The following PRCP variants were observed in gnomAD, a reference collection of about 807,000 sequenced individuals.
PRCP encodes lysosomal Pro-X carboxypeptidase.
In PRCP, 46 loss-of-function variants were observed where a neutral mutation model predicts 54.2. The observed-to-expected ratio is 0.85, with a 90% CI of 0.67 to 1.09. The LOEUF is 1.09. PRCP is among the 50% of genes least tolerant of loss of function. The probability of loss-of-function intolerance (pLI) is 0.00; values close to 1 mark genes in which losing one functional copy is unlikely to be tolerated. For missense variants in PRCP, 613 were observed against 596.8 expected, an observed-to-expected ratio of 1.03 and a Z score of -0.28; for synonymous variants, 240 against 212.2, an observed-to-expected ratio of 1.13 and a Z score of -1.14.
chr11:82,887,448 T>C (rs564401354), intron 1 of PRCP, among the ~76,000 whole-genome samples: 19 of 152,368 alleles, frequency 1.2e-4, no homozygotes, highest in African/African-American at 4.6e-4. Flanking sequence ...AGGTATTATA[T>C]CAACTATCAT....
intron 1 of PRCP, among the ~76,000 whole-genome samples, chr11:82,878,989 G>A (rs74851373): frequency 3.0e-4 from 46 of 152,076 alleles, no homozygotes; most frequent in African/African-American, 1.1e-3. Flanking sequence ...TTCAACTTTG[G>A]TGAATCTGAC....
intron 1 of PRCP, among the ~76,000 whole-genome samples, chr11:82,873,872 A>G (rs1438455076): frequency 6.6e-6 from 1 of 152,178 alleles, no homozygotes; most frequent in Non-Finnish European, 1.5e-5. Flanking sequence ...CCCCACATGA[A>G]TAGCATCCAC....
chr11:82,885,750 C>G (rs1243361868), intron 1 of PRCP, among the ~76,000 whole-genome samples: 1 of 152,154 alleles, frequency 6.6e-6, no homozygotes, highest in African/African-American at 2.4e-5. Context: ...ATGGCAGTGA[C>G]CAGTCCATGC....
intron 1 of PRCP, among the ~76,000 whole-genome samples, chr11:82,867,223 A>G (rs1031279000): frequency 6.6e-6 from 1 of 152,160 alleles, no homozygotes; most frequent in Non-Finnish European, 1.5e-5. Flanking sequence ...TCTATGTGGA[A>G]AAAAAAATTG....
At chr11:82,858,934 A>C (rs1055794470) in intron 2 of PRCP, among the ~76,000 whole-genome samples, 1 of 152,230 alleles carries the variant, frequency 6.6e-6, no homozygotes, top group African/African-American at 2.4e-5. Context: ...CTAAGGAAAT[A>C]ATCAGAAATG....
chr11:82,855,621 AAATAATAAC>A (rs984063240), intron 2 of PRCP, among the ~76,000 whole-genome samples: 13 of 152,152 alleles, frequency 8.5e-5, no homozygotes, highest in African/African-American at 3.1e-4. Flanking sequence ...TCTGTTCAAA[AAATAATAAC>A]AATAAAATAA....
At chr11:82,883,957 G>A (rs1859809135) in intron 1 of PRCP, among the ~76,000 whole-genome samples, 1 of 152,194 alleles carries the variant, frequency 6.6e-6, no homozygotes. Context: ...CCAAGGAGAA[G>A]AGAGTCATCA....
At chr11:82,852,304 A>G (rs549282674) in intron 3 of PRCP, among the ~76,000 whole-genome samples, 61 of 152,336 alleles carry the variant, frequency 4.0e-4, no homozygotes, top group African/African-American at 1.4e-3. Flanking sequence ...ATGAGATAGT[A>G]AAATATCCTT....
chr11:82,900,078 G>A, intron 1 of PRCP, 157 bp downstream of exon 1: 1 of 939,708 alleles, frequency 1.1e-6, no homozygotes, highest in Non-Finnish European at 1.6e-6. Context: ...ACAGAACTGG[G>A]ATTTGGGACC....
chr11:82,856,446 T>A (rs1314274527), intron 2 of PRCP, among the ~76,000 whole-genome samples: 1 of 152,196 alleles, frequency 6.6e-6, no homozygotes, highest in Admixed American at 6.5e-5. Context: ...ATGTTCTCAC[T>A]TATAAGCAGG....
intron 6 of PRCP, 65 bp from the exon 7 acceptor site, chr11:82,839,490 A>C (rs1482630474): frequency 6.8e-7 from 1 of 1,464,482 alleles, no homozygotes; most frequent in Non-Finnish European, 9.4e-7. Context: ...CAGTTTAATA[A>C]CACAAAGAAG....
intron 5 of PRCP, among the ~76,000 whole-genome samples, chr11:82,849,550 A>T (rs75975454): frequency 0.026 from 3,936 of 152,320 alleles, 74 homozygotes; most frequent in Non-Finnish European, 0.044. Context: ...AAGACAGTAG[A>T]CACAAAAAAG....
At chr11:82,838,597 A>T in intron 7 of PRCP, 23 bp from the exon 8 acceptor site, 3 of 1,588,884 alleles carry the variant, frequency 1.9e-6, no homozygotes, top group South Asian at 2.3e-5. Flanking sequence ...CCAAGAGAGA[A>T]TCCAATTAGA....
intron 8 of PRCP, chr11:82,825,412 C>A (rs1858203071): frequency 3.1e-6 from 1 of 325,518 alleles, no homozygotes; most frequent in Non-Finnish European, 5.7e-6. Context: ...GAATTTCAAT[C>A]CTGATTTCAT....
intron 8 of PRCP, chr11:82,836,921 A>T (rs1858542695): frequency 2.7e-6 from 1 of 377,282 alleles, no homozygotes; most frequent in Non-Finnish European, 5.2e-6. Flanking sequence ...TAATCAAAGG[A>T]AGATTCCCAT....
intron 2 of PRCP, among the ~76,000 whole-genome samples, chr11:82,854,099 C>T (rs940931087): frequency 1.8e-4 from 27 of 152,268 alleles, no homozygotes; most frequent in African/African-American, 6.3e-4. Flanking sequence ...TAAGACAAGG[C>T]AAGCATGCTC....
intron 1 of PRCP, among the ~76,000 whole-genome samples, chr11:82,860,972 CA>C (rs1238547458): frequency 1.3e-5 from 2 of 152,112 alleles, no homozygotes; most frequent in Non-Finnish European, 2.9e-5. Flanking sequence ...AAGGAACTAT[CA>C]CTGGCAATCA....
intron 2 of PRCP, among the ~76,000 whole-genome samples, chr11:82,857,423 G>A (rs1431139649): frequency 6.6e-6 from 1 of 152,120 alleles, no homozygotes; most frequent in Non-Finnish European, 1.5e-5. Flanking sequence ...GCATTGCCAA[G>A]ATTCAAACAG....
intron 1 of PRCP, among the ~76,000 whole-genome samples, chr11:82,890,326 C>T (rs1307965067): frequency 6.6e-6 from 1 of 152,156 alleles, no homozygotes; most frequent in East Asian, 1.9e-4. Context: ...AAAAGGGAAG[C>T]GTTCTGAGAA....
Sources: gnomAD v4.1 joint callset for allele counts (sites outside exome capture counted in the v4.1 genomes callset) on GRCh38, gnomAD v4.1.1 for gene constraint, MANE v1.5 for transcripts, NCBI Gene and HGNC (gene_info 2026-07-23, HGNC 2026-07-21) for gene names.